The following VWA8 variants were observed in gnomAD, a reference collection of about 807,000 sequenced individuals.
VWA8 encodes von Willebrand factor A domain-containing protein 8.
Under a neutral mutation model 241.5 loss-of-function variants are expected in VWA8, and 221 were observed. The observed-to-expected ratio is 0.91, with a 90% CI of 0.82 to 1.02. The LOEUF (loss-of-function observed/expected upper bound fraction) is 1.02. Among genes scored for constraint, VWA8 ranks in the 50% least tolerant of loss-of-function variants. The pLI, the probability that VWA8 is intolerant of heterozygous loss-of-function variation, is 0.00. For missense variants in VWA8, 2,322 were observed against 2,328.7 expected (o/e 1.00, Z 0.06); for synonymous variants, 852 against 827.1 (o/e 1.03, Z -0.52).
intron 2 of VWA8, among the ~76,000 whole-genome samples, chr13:41,930,263 C>T (rs1299743693): frequency 6.6e-6 from 1 of 152,124 alleles, no homozygotes; most frequent in Non-Finnish European, 1.5e-5. Context: ...AGAGTGCGCA[C>T]TGTTGGTAGA....
intron 1 of VWA8, among the ~76,000 whole-genome samples, chr13:41,952,211 C>A (rs1324817056): frequency 3.3e-5 from 5 of 152,192 alleles, no homozygotes; most frequent in Admixed American, 6.5e-5. Context: ...ATCGGTGTTA[C>A]AATGAGCCCT....
At chr13:41,871,177 T>C (rs1385913876) in intron 9 of VWA8, among the ~76,000 whole-genome samples, 1 of 152,162 alleles carries the variant, frequency 6.6e-6, no homozygotes, top group Non-Finnish European at 1.5e-5. Context: ...ACAATAGACA[T>C]ATAATTATTT....
intron 40 of VWA8, among the ~76,000 whole-genome samples, chr13:41,591,198 C>T (rs2044452490): frequency 6.6e-6 from 1 of 152,140 alleles, no homozygotes; most frequent in Non-Finnish European, 1.5e-5. Context: ...TACTCAAGTT[C>T]TCTGGGACTT....
intron 21 of VWA8, among the ~76,000 whole-genome samples, chr13:41,737,810 AT>A (rs1228543394): frequency 3.3e-5 from 5 of 151,822 alleles, no homozygotes; most frequent in East Asian, 1.9e-4. Flanking sequence ...TGGACTATAC[AT>A]TTTTTTTCCC....
chr13:41,666,924 T>A (rs2044990350), intron 37 of VWA8, among the ~76,000 whole-genome samples: 1 of 152,094 alleles, frequency 6.6e-6, no homozygotes, highest in Non-Finnish European at 1.5e-5. Flanking sequence ...CAAGAAAGAT[T>A]CCCAAAGACA....
intron 37 of VWA8, among the ~76,000 whole-genome samples, chr13:41,661,865 A>G (rs1364161956): frequency 1.3e-5 from 2 of 152,166 alleles, no homozygotes; most frequent in Non-Finnish European, 2.9e-5. Flanking sequence ...CTTGTTTTGC[A>G]TATGGATGTC....
chr13:41,689,582 C>A, intron 33 of VWA8, 74 bp from the exon 34 acceptor site: 1 of 1,330,998 alleles, frequency 7.5e-7, no homozygotes, highest in Non-Finnish European at 9.9e-7. Flanking sequence ...AGATTTTATT[C>A]TCAACAAGTC....
intron 4 of VWA8, among the ~76,000 whole-genome samples, chr13:41,907,006 A>C (rs1566501908): frequency 6.6e-6 from 1 of 152,126 alleles, no homozygotes; most frequent in Admixed American, 6.6e-5. Flanking sequence ...TGAATTGCTT[A>C]TTTATAGGCT....
intron 4 of VWA8, among the ~76,000 whole-genome samples, chr13:41,898,976 T>A (rs1354358980): frequency 1.3e-5 from 2 of 152,188 alleles, no homozygotes; most frequent in Non-Finnish European, 2.9e-5. Context: ...CACACCTCCC[T>A]GCAAGCTGAG....
At chr13:41,775,754 T>C (rs745427591) in intron 20 of VWA8, among the ~76,000 whole-genome samples, 1 of 152,230 alleles carries the variant, frequency 6.6e-6, no homozygotes, top group Non-Finnish European at 1.5e-5. Context: ...AAGGTTTGTA[T>C]AGCACCCTAG....
At chr13:41,685,532 T>C (rs2137811978) in intron 34 of VWA8, among the ~76,000 whole-genome samples, 1 of 152,224 alleles carries the variant, frequency 6.6e-6, no homozygotes, top group Admixed American at 6.6e-5. Flanking sequence ...GGCACATGTC[T>C]GTATTCCCAG....
At chr13:41,581,231 T>C (rs2044381367) in intron 42 of VWA8, among the ~76,000 whole-genome samples, 1 of 77,866 alleles carries the variant, frequency 1.3e-5, no homozygotes, top group African/African-American at 1.3e-4. Flanking sequence ...CTCGATCTCC[T>C]GACCTCGTGA....
At chr13:41,957,830 TTAA>T (rs1878417809) in intron 1 of VWA8, among the ~76,000 whole-genome samples, 1 of 152,198 alleles carries the variant, frequency 6.6e-6, no homozygotes, top group African/African-American at 2.4e-5. Flanking sequence ...GTGAATCCCT[TTAA>T]TAATAATGGC....
chr13:41,726,677 C>T lies in VWA8; in HGVS notation c.2758+517G>A, dbSNP rs185115170. On this transcript the variant is annotated intron_variant, in intron 24 of 44. Transcript: ENST00000379310. The stretch of plus-strand genomic sequence containing the variant: ...AGATATGAAGCCCAAGTCCACCACT[C>T]ATTATCCCAGACACTATCAAAAAAT... Among the ~76,000 whole-genome samples, 5 of 152,276 alleles carry T rather than the reference C, an allele frequency of 3.3e-5. No individual in the cohort carries two copies. The East Asian group carries it at 9.6e-4, about 29-fold the overall frequency.
chr13:41,874,048 G>A (rs1341469351), intron 9 of VWA8, among the ~76,000 whole-genome samples: 32 of 152,028 alleles, frequency 2.1e-4, no homozygotes, highest in African/African-American at 7.2e-4. Flanking sequence ...ATCAATAAAT[G>A]TAATCCAGCA....
intron 38 of VWA8, among the ~76,000 whole-genome samples, chr13:41,612,382 AACAGTCTTTC>A (rs1168849092): frequency 6.6e-6 from 1 of 152,352 alleles, no homozygotes; most frequent in Admixed American, 6.5e-5. Context: ...TCAGCTTTAG[AACAGTCTTTC>A]AATAGAAACT....
intron 26 of VWA8, chr13:41,719,370 A>G (rs1312605570): frequency 1.6e-5 from 22 of 1,368,356 alleles, no homozygotes; most frequent in Non-Finnish European, 2.1e-5. Flanking sequence ...TATTTATTAC[A>G]TCTACTCATG....
intron 34 of VWA8, among the ~76,000 whole-genome samples, chr13:41,688,795 G>C (rs1434076062): frequency 6.6e-6 from 1 of 152,032 alleles, no homozygotes; most frequent in Non-Finnish European, 1.5e-5. Context: ...ACACAAAGAA[G>C]GGAACAACAG....
At chr13:41,736,160 C>G (rs116061087) in intron 21 of VWA8, among the ~76,000 whole-genome samples, 2,174 of 152,196 alleles carry the variant, frequency 0.014, 47 homozygotes, top group African/African-American at 0.048. Context: ...AGACATTTAT[C>G]AGTAATACTT....
Sources: gnomAD v4.1 joint callset for allele counts (sites outside exome capture counted in the v4.1 genomes callset) on GRCh38, gnomAD v4.1.1 for gene constraint, MANE v1.5 for transcripts, NCBI Gene and HGNC (gene_info 2026-07-23, HGNC 2026-07-21) for gene names.